Variants in HDAC4 observed in about 807,000 individuals in gnomAD.
The protein encoded by HDAC4 is histone deacetylase A.
Under a neutral mutation model 135.1 loss-of-function variants are expected in HDAC4, and 16 were observed. The observed-to-expected ratio is 0.12, with a 90% CI of 0.08 to 0.18. The LOEUF (loss-of-function observed/expected upper bound fraction) is 0.18, where lower values mean the gene tolerates loss of function less well. Ranked by LOEUF, HDAC4 falls within the 10% of genes least tolerant of loss-of-function variation. The pLI, the probability that HDAC4 is intolerant of heterozygous loss-of-function variation, is 1.00. For missense variants in HDAC4, 1,143 were observed against 1,511.8 expected (o/e 0.76, Z 4.05); for synonymous variants, 685 against 653.4 (o/e 1.05, Z -0.74).
chr2:239,071,845 G>A (rs1372267260), intron 22 of HDAC4, among the ~76,000 whole-genome samples: 1 of 152,156 alleles, frequency 6.6e-6, no homozygotes, highest in African/African-American at 2.4e-5. Context: ...GCAGAGTTGT[G>A]TAAGCTGAGC....
intron 2 of HDAC4, among the ~76,000 whole-genome samples, chr2:239,275,790 T>C (rs747902344): frequency 4.6e-5 from 7 of 152,068 alleles, no homozygotes; most frequent in Admixed American, 4.6e-4. Flanking sequence ...CCAGGACCCC[T>C]GCCTTCCAGG....
intron 2 of HDAC4, among the ~76,000 whole-genome samples, chr2:239,277,305 G>A (rs2050424933): frequency 6.6e-6 from 1 of 152,202 alleles, no homozygotes; most frequent in African/African-American, 2.4e-5. Flanking sequence ...GTCCAGTAAG[G>A]CCTTTCCAAA....
At chr2:239,092,799 C>T (rs1033211145) in intron 17 of HDAC4, among the ~76,000 whole-genome samples, 4 of 152,174 alleles carry the variant, frequency 2.6e-5, no homozygotes, top group African/African-American at 7.2e-5. Context: ...GGCAGGCGGC[C>T]GCAACTGCTA....
chr2:239,199,360 T>C (rs2045610878), intron 3 of HDAC4, among the ~76,000 whole-genome samples: 1 of 152,096 alleles, frequency 6.6e-6, no homozygotes, highest in African/African-American at 2.4e-5. Context: ...CTCATCAGGG[T>C]TAAAAACAGA....
chr2:239,119,562 C>T (rs764429441), intron 12 of HDAC4, among the ~76,000 whole-genome samples: 14 of 148,160 alleles, frequency 9.4e-5, no homozygotes, highest in South Asian at 2.2e-4. Context: ...GGGCTGAGGG[C>T]GCGGGAACTG....
chr2:239,196,376 C>T (rs995865473), intron 3 of HDAC4, among the ~76,000 whole-genome samples: 2 of 152,236 alleles, frequency 1.3e-5, no homozygotes, highest in African/African-American at 4.8e-5. Flanking sequence ...AAACCACATG[C>T]ACCCCCTACC....
At chr2:239,271,656 G>C (rs2050066206) in intron 2 of HDAC4, among the ~76,000 whole-genome samples, 1 of 152,226 alleles carries the variant, frequency 6.6e-6, no homozygotes, top group Non-Finnish European at 1.5e-5. Flanking sequence ...CACAAAGCCT[G>C]GGTGGCTGAG....
At chr2:239,358,884 T>G (rs576146296) in intron 1 of HDAC4, among the ~76,000 whole-genome samples, 11 of 152,320 alleles carry the variant, frequency 7.2e-5, no homozygotes, top group Non-Finnish European at 1.0e-4. Flanking sequence ...ACGATTCTCC[T>G]TGTTCTCAGC....
chr2:239,299,401 A>G lies in HDAC4; in HGVS notation c.22+53277T>C, dbSNP rs1055678446. 1.3e-5 allele frequency among the ~76,000 whole-genome samples: 2 copies of G among 152,184 alleles called. No homozygotes were observed. The highest frequency in any genetic ancestry group is 6.5e-5 in the Admixed American group (1 of 15,282). On this transcript the variant is annotated intron_variant, in intron 2 of 26. Transcript: ENST00000543185. This position sits in a 1 kb window ranked among gnomAD's most constrained non-coding sequence, Gnocchi z 4.0. ...AGGACGGAGGTGCCTAACAATCCCA[A>G]TAAAATGCTGACATGGGCTAATCTC... is the stretch of plus-strand genomic sequence containing the variant.
At chr2:239,060,921 G>A (rs1369646881) in intron 24 of HDAC4, among the ~76,000 whole-genome samples, 1 of 152,234 alleles carries the variant, frequency 6.6e-6, no homozygotes, top group African/African-American at 2.4e-5. Context: ...AGGTAACAGG[G>A]CCCAGAGGGA....
intron 4 of HDAC4, among the ~76,000 whole-genome samples, chr2:239,181,645 T>C (rs140989965): frequency 1.3e-5 from 2 of 152,368 alleles, no homozygotes; most frequent in East Asian, 1.9e-4. Flanking sequence ...AGGCGGCCCA[T>C]AGCACGCTGG....
At chr2:239,325,319 A>T (rs1041794698) in intron 2 of HDAC4, among the ~76,000 whole-genome samples, 4 of 152,224 alleles carry the variant, frequency 2.6e-5, no homozygotes, top group African/African-American at 7.2e-5. Context: ...ATAGAAGGAG[A>T]TATTTGCAGA....
intron 2 of HDAC4, among the ~76,000 whole-genome samples, chr2:239,241,699 G>T (rs916784646): frequency 5.3e-5 from 8 of 152,222 alleles, no homozygotes; most frequent in African/African-American, 1.7e-4. Flanking sequence ...CCTTTTATAT[G>T]TAAGTCTCTC....
intron 16 of HDAC4, 166 bp downstream of exon 16, chr2:239,102,610 C>T (rs970932097): frequency 1.4e-5 from 10 of 720,188 alleles, no homozygotes; most frequent in African/African-American, 1.8e-5. Context: ...TCATCAACAA[C>T]CAGTGGCTTG....
chr2:239,112,095 G>C (rs2038726839), intron 13 of HDAC4, among the ~76,000 whole-genome samples: 1 of 152,210 alleles, frequency 6.6e-6, no homozygotes. Context: ...GCCAGGAGCA[G>C]CCTGGAGCAG....
intron 3 of HDAC4, among the ~76,000 whole-genome samples, chr2:239,219,687 G>A (rs519165): frequency 0.35 from 52,884 of 151,940 alleles, 10,535 homozygotes; most frequent in Non-Finnish European, 0.43. Flanking sequence ...CAGATTAGAC[G>A]GGTAAAAAGC....
At chr2:239,261,061 A>C (rs912479474) in intron 2 of HDAC4, among the ~76,000 whole-genome samples, 1 of 152,196 alleles carries the variant, frequency 6.6e-6, no homozygotes. Flanking sequence ...TTTCAGGTGG[A>C]CGTTCTGGAT....
At chr2:239,256,439 C>T (rs1304824517) in intron 2 of HDAC4, among the ~76,000 whole-genome samples, 6 of 152,340 alleles carry the variant, frequency 3.9e-5, no homozygotes, top group East Asian at 1.9e-4. Flanking sequence ...ACAGGCTGGT[C>T]GGGGCCAGGC....
chr2:239,048,284 C>T lies in HDAC4; in HGVS notation c.*4813G>A, dbSNP rs1181042899. 1 of 152,292 alleles carries T rather than the reference C, an allele frequency of 6.6e-6. No individual in the cohort carries two copies. Among genetic ancestry groups the T allele is most frequent in the African/African-American group, 2.4e-5 (1 of 41,462 alleles). 9.4% of individuals were successfully genotyped at this position (152,292 alleles called of 1,614,324 possible). On this transcript the variant is annotated 3_prime_UTR_variant, in exon 27 of 27. Transcript: ENST00000543185. ...GAAGGTGACCGTCAGAAGAGGATAT[C>T]ATTGGTCGGTGAAAATCCACCCACA...
Sources: gnomAD v4.1 joint callset for allele counts (sites outside exome capture counted in the v4.1 genomes callset) on GRCh38, gnomAD v4.1.1 for gene constraint, Gnocchi (gnomAD v3.1) non-coding constraint, MANE v1.5 for transcripts, NCBI Gene and HGNC (gene_info 2026-07-23, HGNC 2026-07-21) for gene names.